Variants in DLGAP2 observed in about 807,000 individuals in gnomAD.
DLGAP2 encodes the protein disks large-associated protein 2.
Under a neutral mutation model 100.3 loss-of-function variants are expected in DLGAP2, and 26 were observed. The ratio of observed to expected loss-of-function variants is 0.26; its 90% confidence interval spans 0.19 to 0.36. DLGAP2 has a LOEUF of 0.36. Ranked by LOEUF, DLGAP2 falls within the 10% of genes least tolerant of loss-of-function variation. DLGAP2 has a pLI of 1.00. For synonymous variants in DLGAP2, 886 were observed against 630.1 expected (o/e 1.41, Z -6.08); for missense variants, 1,858 against 1,453.2 (o/e 1.28, Z -4.53).
At chr8:999,951 C>G (rs1305530507) in intron 2 of DLGAP2, among the ~76,000 whole-genome samples, 2 of 150,016 alleles carry the variant, frequency 1.3e-5, no homozygotes, top group African/African-American at 4.9e-5. Context: ...ACTGGATTTT[C>G]TCTAGAGCAG....
At position 1,267,623 on chromosome 8, in the gene DLGAP2, T is replaced by TA. The variant is rs57138660; in HGVS notation, c.106+8743dup. Among the ~76,000 whole-genome samples, 335 of 76,562 alleles carry TA rather than the reference T, an allele frequency of 4.4e-3. 47 individuals are homozygous for TA. Among genetic ancestry groups the TA allele is most frequent in the African/African-American group, 8.6e-3 (130 of 15,128 alleles). The allele number at this position is 76,562 out of a possible 152,430, so 50.2% of individuals were successfully genotyped here. On this transcript the variant is annotated intron_variant, in intron 3 of 14. Coordinates refer to ENST00000637795, the MANE Select transcript of DLGAP2 (RefSeq NM_001346810.2). The stretch of plus-strand genomic sequence containing the variant: ...TAAGATAAGATAAGATAAGATAAGA[T>TA]AAATATTAAATAGGTCTACAAAAAG...
chr8:997,199 C>A (rs766064301), intron 2 of DLGAP2, among the ~76,000 whole-genome samples: 8 of 152,172 alleles, frequency 5.3e-5, no homozygotes, highest in Admixed American at 1.3e-4. Context: ...TTAGCAACAG[C>A]ATGCTTTGGG....
chr8:948,350 G>A (rs1190598693), intron 2 of DLGAP2, among the ~76,000 whole-genome samples: 3 of 152,232 alleles, frequency 2.0e-5, no homozygotes, highest in East Asian at 1.9e-4. Context: ...TGCAGAGGAA[G>A]GAAGAAAGAG....
rs1215131534 is a variant in DLGAP2, at chr8:774,049, G to A, written c.18+36224G>A. Among the ~76,000 whole-genome samples, 5 of 152,242 alleles carry A rather than the reference G, an allele frequency of 3.3e-5. No individual in the cohort carries two copies. The East Asian group carries it at 7.7e-4, about 23-fold the overall frequency. On this transcript the variant is annotated intron_variant, in intron 1 of 14. Coordinates refer to ENST00000637795, the MANE Select transcript of DLGAP2 (RefSeq NM_001346810.2). ...TTTAATGATTGCCATTCTAACTGGT[G>A]TGAGATGGTGTCTCATTGTGGTTTT...
intron 2 of DLGAP2, among the ~76,000 whole-genome samples, chr8:1,253,313 G>A (rs777854882): frequency 1.3e-5 from 2 of 152,144 alleles, no homozygotes; most frequent in Non-Finnish European, 2.9e-5. Context: ...AGAGCTGCCA[G>A]GGCCCCTTTA....
chr8:1,536,832 C>T (rs1404243846), intron 4 of DLGAP2, among the ~76,000 whole-genome samples: 1 of 152,198 alleles, frequency 6.6e-6, no homozygotes, highest in Non-Finnish European at 1.5e-5. Flanking sequence ...CACCATTGAA[C>T]TAATTCCTCC....
intron 2 of DLGAP2, among the ~76,000 whole-genome samples, chr8:1,217,839 C>G (rs1798243430): frequency 6.6e-6 from 1 of 152,078 alleles, no homozygotes; most frequent in Admixed American, 6.6e-5. Context: ...TTTTGATATG[C>G]ATTTCTATAA....
chr8:949,592 C>T (rs1261445375), intron 2 of DLGAP2, among the ~76,000 whole-genome samples: 1 of 152,202 alleles, frequency 6.6e-6, no homozygotes, highest in East Asian at 1.9e-4. Context: ...GCGTGTGCTC[C>T]CCAGGACGGG....
intron 2 of DLGAP2, among the ~76,000 whole-genome samples, chr8:1,063,265 T>G (rs1318342221): frequency 6.6e-6 from 1 of 152,224 alleles, no homozygotes; most frequent in African/African-American, 2.4e-5. Context: ...TGGACTGTCC[T>G]CTGTTCTGTC....
chr8:1,355,080 C>T (rs1206182954), intron 3 of DLGAP2, among the ~76,000 whole-genome samples: 1 of 152,094 alleles, frequency 6.6e-6, no homozygotes, highest in Non-Finnish European at 1.5e-5. Flanking sequence ...GGTGGAAAGT[C>T]ACGGATGATT....
intron 1 of DLGAP2, among the ~76,000 whole-genome samples, chr8:894,083 G>A (rs539984351): frequency 6.6e-6 from 1 of 152,312 alleles, no homozygotes; most frequent in Non-Finnish European, 1.5e-5. Context: ...AGACGTCCTT[G>A]TGGGAAGGGC....
At chr8:1,316,044 T>C (rs78002549) in intron 3 of DLGAP2, among the ~76,000 whole-genome samples, 1 of 125,876 alleles carries the variant, frequency 7.9e-6, no homozygotes, top group African/African-American at 2.9e-5. Flanking sequence ...ACTTGGCAGC[T>C]TTTAAAAATA....
At chr8:869,053 A>T (rs1186067892) in intron 1 of DLGAP2, among the ~76,000 whole-genome samples, 1 of 152,230 alleles carries the variant, frequency 6.6e-6, no homozygotes, top group Non-Finnish European at 1.5e-5. Context: ...GTACCAAGTC[A>T]GAAAGCAAGT....
chr8:1,137,103 G>T lies in DLGAP2; in HGVS notation c.74-121748G>T, dbSNP rs559895289. Among the ~76,000 whole-genome samples, 7 of 152,290 alleles carry T rather than the reference G, an allele frequency of 4.6e-5. No homozygotes were observed. The East Asian group carries it at 1.4e-3, about 29-fold the overall frequency. On this transcript the variant is annotated intron_variant, in intron 2 of 14. Transcript: ENST00000637795. ...AGGACAAGGGGCCCATAGCCTGGTTGGTTTCTCCTGAGGCCTCTCTTCCCA... is the reference window on the plus strand; with the variant it reads ...AGGACAAGGGGCCCATAGCCTGGTTTGTTTCTCCTGAGGCCTCTCTTCCCA...
chr8:1,415,984 G>A (rs1163057434), intron 3 of DLGAP2, among the ~76,000 whole-genome samples: 1 of 152,200 alleles, frequency 6.6e-6, no homozygotes, highest in South Asian at 2.1e-4. Flanking sequence ...CATAAATTGG[G>A]GGAGGGTGAT....
intron 2 of DLGAP2, among the ~76,000 whole-genome samples, chr8:1,225,806 ATATAT>A (rs1366065395): frequency 2.0e-5 from 3 of 152,214 alleles, no homozygotes; most frequent in African/African-American, 7.2e-5. Context: ...GCAGTTTATA[ATATAT>A]TGTATAAATC....
chr8:1,046,325 G>A (rs1054450544), intron 2 of DLGAP2, among the ~76,000 whole-genome samples: 2 of 152,102 alleles, frequency 1.3e-5, no homozygotes, highest in African/African-American at 2.4e-5. Flanking sequence ...TGTGACCGAG[G>A]GCCATGCTTC....
chr8:849,556 G>T (rs1032075977), intron 1 of DLGAP2, among the ~76,000 whole-genome samples: 3 of 152,130 alleles, frequency 2.0e-5, no homozygotes, highest in African/African-American at 7.2e-5. Flanking sequence ...CTGCCCTTTT[G>T]GGTTTCTACC....
chr8:1,266,887 C>G (rs1464724664), intron 3 of DLGAP2, among the ~76,000 whole-genome samples: 1 of 151,914 alleles, frequency 6.6e-6, no homozygotes, highest in Admixed American at 6.6e-5. Flanking sequence ...ATGCGTTATC[C>G]CAGCAGAAGA....
Sources: gnomAD v4.1 joint callset for allele counts (sites outside exome capture counted in the v4.1 genomes callset) on GRCh38, gnomAD v4.1.1 for gene constraint, MANE v1.5 for transcripts, NCBI Gene and HGNC (gene_info 2026-07-23, HGNC 2026-07-21) for gene names.